Variants in TPTE observed in about 807,000 individuals in gnomAD.
The protein encoded by TPTE is transmembrane phosphatase with tensin homology, also known as putative tyrosine-protein phosphatase TPTE.
A neutral mutation model predicts 84.1 loss-of-function variants in TPTE; 59 were observed. That is an observed-to-expected ratio of 0.70 (90% CI 0.57 to 0.87). The LOEUF (loss-of-function observed/expected upper bound fraction) is 0.87, where lower values mean the gene tolerates loss of function less well. TPTE is among the 40% of genes least tolerant of loss of function. The probability of loss-of-function intolerance (pLI) is 0.00; values close to 1 mark genes in which losing one functional copy is unlikely to be tolerated. For synonymous variants in TPTE, 130 were observed against 223.5 expected (o/e 0.58, Z 3.73); for missense variants, 382 against 659.6 (o/e 0.58, Z 4.61).
chr21:10,544,864 C>A (rs1449703195), intron 7 of TPTE, among the ~76,000 whole-genome samples: 2 of 152,302 alleles, frequency 1.3e-5, no homozygotes, highest in Non-Finnish European at 2.9e-5. Context: ...GAAACAGTAA[C>A]TTGGGGATTA....
At chr21:10,593,091 C>T (rs1260866205) in intron 19 of TPTE, among the ~76,000 whole-genome samples, 1 of 152,312 alleles carries the variant, frequency 6.6e-6, no homozygotes. Context: ...ATTGCTGCAA[C>T]AGTATTTCAG....
At chr21:10,549,387 A>G (rs1363958531) in intron 7 of TPTE, among the ~76,000 whole-genome samples, 3 of 152,308 alleles carry the variant, frequency 2.0e-5, no homozygotes, top group Non-Finnish European at 4.4e-5. Context: ...TAAACATATG[A>G]TGTGACAGAA....
intron 14 of TPTE, among the ~76,000 whole-genome samples, chr21:10,572,214 C>T (rs1158284976): frequency 6.6e-6 from 1 of 152,300 alleles, no homozygotes; most frequent in Non-Finnish European, 1.5e-5. Flanking sequence ...CTTTGGGAGG[C>T]TGAGGCGGGT....
At chr21:10,530,814 A>G (rs2074164372) in intron 3 of TPTE, among the ~76,000 whole-genome samples, 1 of 152,308 alleles carries the variant, frequency 6.6e-6, no homozygotes, top group Non-Finnish European at 1.5e-5. Flanking sequence ...ATTCACAACA[A>G]CACTTGACAT....
chr21:10,596,705 A>G (rs1235586708), intron 20 of TPTE, among the ~76,000 whole-genome samples: 3 of 152,302 alleles, frequency 2.0e-5, no homozygotes, highest in African/African-American at 7.2e-5. Flanking sequence ...CAGAACCCCT[A>G]AAGCAAACCT....
chr21:10,603,975 G>A (rs1978939125), intron 23 of TPTE, among the ~76,000 whole-genome samples: 1 of 152,310 alleles, frequency 6.6e-6, no homozygotes, highest in African/African-American at 2.4e-5. Flanking sequence ...CCTGTCAGTA[G>A]GTGTTGATTT....
At chr21:10,560,172 AAATC>A (rs1474476547) in intron 9 of TPTE, among the ~76,000 whole-genome samples, 1 of 152,304 alleles carries the variant, frequency 6.6e-6, no homozygotes, top group African/African-American at 2.4e-5. Flanking sequence ...ACATTAATGA[AAATC>A]AAATGTTAAA....
chr21:10,548,360 ACCTCCAGACCAGCCAATCAG>A (rs1325043063), intron 7 of TPTE, among the ~76,000 whole-genome samples: 1 of 152,308 alleles, frequency 6.6e-6, no homozygotes, highest in African/African-American at 2.4e-5. Flanking sequence ...CAGCAGATGC[ACCTCCAGACCAGCCAATCAG>A]CCATGAATGC....
chr21:10,550,269 C>A (rs1223087874), intron 7 of TPTE, among the ~76,000 whole-genome samples: 1 of 152,306 alleles, frequency 6.6e-6, no homozygotes, highest in Non-Finnish European at 1.5e-5. Flanking sequence ...GATTAAATAC[C>A]CCATGAAGGA....
intron 21 of TPTE, among the ~76,000 whole-genome samples, chr21:10,599,137 T>C (rs1201724744): frequency 6.6e-6 from 1 of 152,310 alleles, no homozygotes; most frequent in African/African-American, 2.4e-5. Flanking sequence ...TCTCTGCTTC[T>C]GCAAATGGCA....
At chr21:10,547,901 A>G (rs1303052769) in intron 7 of TPTE, among the ~76,000 whole-genome samples, 24 of 152,406 alleles carry the variant, frequency 1.6e-4, no homozygotes, top group African/African-American at 4.8e-4. Flanking sequence ...CCAAACCACT[A>G]CATGCCCTCT....
Position 10,603,620 on chromosome 21 carries a change from T to C in TPTE, c.1508T>C (p.Ile503Thr), listed in dbSNP as rs527406045. The C allele has an allele frequency of 1.2e-6, 2 of 1,612,276 alleles. No homozygotes were observed. Among genetic ancestry groups the C allele is most frequent in the African/African-American group, 1.3e-5 (1 of 75,034 alleles). The stretch of plus-strand genomic sequence containing the variant: ...TACTTCTGGTTGCACACATCTTTTA[T>C]TGAAAATAACAGGTATGAATATAAT... The part of the protein sequence containing the change: ...SFYFWLHTSF[I>T]ENNRLYLPKN... Residue 503 changes from isoleucine (I) to threonine (T), a missense_variant, in exon 23 of 24, where the codon ATT (isoleucine) becomes ACT (threonine). This residue lies in a region of TPTE where 120 missense variants were observed against 79.1 expected (regional missense o/e 1.52). Transcript: ENST00000618007.
intron 2 of TPTE, among the ~76,000 whole-genome samples, chr21:10,526,526 C>G (rs1035642570): frequency 5.9e-5 from 9 of 152,282 alleles, no homozygotes; most frequent in Admixed American, 6.5e-5. Context: ...CTTAGAGAAT[C>G]CCAGTTGTTA....
intron 3 of TPTE, among the ~76,000 whole-genome samples, chr21:10,537,787 C>T (rs1240415344): frequency 1.3e-5 from 2 of 152,416 alleles, no homozygotes; most frequent in African/African-American, 4.8e-5. Flanking sequence ...TATATGCATT[C>T]ATATTAAATC....
At chr21:10,543,978 T>C (rs1229472096) in intron 7 of TPTE, among the ~76,000 whole-genome samples, 18 of 152,304 alleles carry the variant, frequency 1.2e-4, no homozygotes, top group Non-Finnish European at 5.9e-5. Context: ...ACCACCTCAT[T>C]GGATGCCGCT....
chr21:10,549,796 A>T (rs2074539348), intron 7 of TPTE, among the ~76,000 whole-genome samples: 1 of 152,312 alleles, frequency 6.6e-6, no homozygotes, highest in Non-Finnish European at 1.5e-5. Flanking sequence ...AAAACTTCCT[A>T]ACTCTTGAGG....
At chr21:10,534,437 A>T (rs2074232920) in intron 3 of TPTE, among the ~76,000 whole-genome samples, 1 of 152,426 alleles carries the variant, frequency 6.6e-6, no homozygotes, top group African/African-American at 2.4e-5. Flanking sequence ...GCTAAATTGC[A>T]TGTGTTTTGT....
At chr21:10,601,030 C>T (rs565504567) in intron 21 of TPTE, among the ~76,000 whole-genome samples, 29 of 152,362 alleles carry the variant, frequency 1.9e-4, no homozygotes, top group Middle Eastern at 3.4e-3. Flanking sequence ...AAATAAAAAA[C>T]CGTGATAAGT....
intron 9 of TPTE, among the ~76,000 whole-genome samples, 158 bp downstream of exon 9, chr21:10,559,702 C>T (rs2074755404): frequency 6.6e-6 from 1 of 152,282 alleles, no homozygotes; most frequent in African/African-American, 2.4e-5. Flanking sequence ...GGTGAAACCC[C>T]ATCTCTACTA....
Sources: allele counts gnomAD v4.1 joint callset (sites outside exome capture counted in the v4.1 genomes callset), GRCh38; gene constraint gnomAD v4.1.1; regional missense constraint gnomAD v4.1.1; transcripts MANE v1.5; gene names NCBI Gene and HGNC (gene_info 2026-07-23, HGNC 2026-07-21).